The following TMEM132E variants were observed in gnomAD, a reference collection of about 807,000 sequenced individuals.
The protein encoded by TMEM132E is transmembrane protein 132E.
Under a neutral mutation model 78.5 loss-of-function variants are expected in TMEM132E, and 49 were observed. The observed-to-expected ratio is 0.62, with a 90% CI of 0.50 to 0.79. The LOEUF is 0.79. Among genes scored for constraint, TMEM132E ranks in the 30% least tolerant of loss-of-function variants. TMEM132E has a pLI of 0.00. For synonymous variants in TMEM132E, 715 were observed against 670.6 expected (o/e 1.07, Z -1.02); for missense variants, 1,403 against 1,470.9 (o/e 0.95, Z 0.75).
chr17:34,629,888 C>CA (rs1597691522), intron 4 of TMEM132E, 120 bp from the exon 5 acceptor site: 1 of 1,176,908 alleles, frequency 8.5e-7, no homozygotes, highest in East Asian at 2.7e-5. Flanking sequence ...CAAGTGTCCC[C>CA]ACTGGAAGGA....
At chr17:34,635,959 G>A (rs1170676748) in intron 7 of TMEM132E, 48 bp from the exon 8 acceptor site, 4 of 1,339,632 alleles carry the variant, frequency 3.0e-6, no homozygotes, top group East Asian at 6.1e-5. Flanking sequence ...TTGGGCAGGG[G>A]GGTGTGCTTT....
In TMEM132E at chr17:34,626,257, C is replaced by G; in HGVS notation, c.198C>G (p.Pro66=). The G allele has an allele frequency of 3.1e-6, 5 of 1,602,364 alleles. No homozygotes were observed. Among genetic ancestry groups the G allele is most frequent in the Non-Finnish European group, 4.3e-6 (5 of 1,175,152 alleles). ...TGCGGGAGGCGCGGCCCCCGTCACCCGCGGTCGCCAACAGCTCTCTGCAGC... is the reference window on the plus strand; with the variant it reads ...TGCGGGAGGCGCGGCCCCCGTCACCGGCGGTCGCCAACAGCTCTCTGCAGC... ...FFLREARPPS[P]AVANSSLQRS... The change falls in exon 2 of 9, where the codon CCC becomes CCG. Residue 66 remains proline (P), a synonymous_variant. Coordinates refer to ENST00000631683, the MANE Select transcript of TMEM132E (RefSeq NM_001304438.2).
intron 1 of TMEM132E, among the ~76,000 whole-genome samples, chr17:34,613,300 G>A (rs1906672090): frequency 6.6e-6 from 1 of 151,504 alleles, no homozygotes; most frequent in South Asian, 2.1e-4. Flanking sequence ...CCAGTGGGAA[G>A]GCTCAGCTTG....
rs771954244 is a variant in TMEM132E, at chr17:34,634,892, C to A, written c.1782C>A (p.Thr594=). 23 of 1,613,986 alleles carry A rather than the reference C, an allele frequency of 1.4e-5. No individual in the cohort carries two copies. The South Asian group carries it at 2.2e-4, about 15-fold the overall frequency. The change falls in exon 7 of 9, where the codon ACC becomes ACA. Residue 594 remains threonine (T), a synonymous_variant. Coordinates refer to ENST00000631683, the MANE Select transcript of TMEM132E (RefSeq NM_001304438.2). ...GCACCCTGCAGTACCAGCATGCCACCCTGCAGGTCTTCACCCAGTTCCACA... is the reference window on the plus strand; with the variant it reads ...GCACCCTGCAGTACCAGCATGCCACACTGCAGGTCTTCACCCAGTTCCACA... ...RGCTLQYQHA[T]LQVFTQFHTT...
chr17:34,611,156 A>C (rs1469873352), intron 1 of TMEM132E, among the ~76,000 whole-genome samples: 1 of 152,252 alleles, frequency 6.6e-6, no homozygotes, highest in Non-Finnish European at 1.5e-5. Context: ...CAGCAGACAG[A>C]GGGAACAGCA....
At chr17:34,583,277 A>G (rs1233124181) in intron 1 of TMEM132E, among the ~76,000 whole-genome samples, 1 of 152,094 alleles carries the variant, frequency 6.6e-6, no homozygotes, top group Admixed American at 6.5e-5. Flanking sequence ...CTGAGCGGAC[A>G]TTTCCCCTCC....
chr17:34,621,013 TC>T, intron 1 of TMEM132E, among the ~76,000 whole-genome samples: 1 of 151,990 alleles, frequency 6.6e-6, no homozygotes, highest in African/African-American at 2.4e-5. Flanking sequence ...CTGGCAGGGG[TC>T]GGGGAGGCTG....
intron 1 of TMEM132E, among the ~76,000 whole-genome samples, chr17:34,611,009 T>C (rs1442433701): frequency 6.6e-6 from 1 of 152,236 alleles, no homozygotes; most frequent in Non-Finnish European, 1.5e-5. Context: ...TTGGGTCCAG[T>C]CGGTCTTAGC....
At chr17:34,583,535 G>A (rs1033159014) in intron 1 of TMEM132E, among the ~76,000 whole-genome samples, 7 of 152,234 alleles carry the variant, frequency 4.6e-5, no homozygotes, top group African/African-American at 1.7e-4. Context: ...GTTAAGAATA[G>A]GGTCCGGGGA....
intron 1 of TMEM132E, among the ~76,000 whole-genome samples, chr17:34,609,635 T>C (rs1906524963): frequency 6.6e-6 from 1 of 152,170 alleles, no homozygotes; most frequent in Non-Finnish European, 1.5e-5. Context: ...AAGCACCACC[T>C]TGTGGTCTCA....
Position 34,636,054 on chromosome 17 carries a change from G to A in TMEM132E, c.2025G>A (p.Thr675=), listed in dbSNP as rs140154597. Residue 675 remains threonine, a synonymous_variant, in exon 8 of 9, where the codon ACG becomes ACA. Transcript: ENST00000631683. ...TEAVLGETLL[T]VTEEKVSITQ... is the part of the protein sequence containing the mutation. ...CTGTGCTCGGGGAGACGCTGCTGACGGTGACTGAGGAGAAGGTCAGCATCA... is the reference window on the plus strand; with the variant it reads ...CTGTGCTCGGGGAGACGCTGCTGACAGTGACTGAGGAGAAGGTCAGCATCA... The A allele has an allele frequency of 1.2e-3, 1,837 of 1,573,248 alleles. 23 individuals are homozygous for A. The African/African-American group carries it at 0.022, about 19-fold the overall frequency.
intron 1 of TMEM132E, among the ~76,000 whole-genome samples, chr17:34,613,207 A>ACGCGCGCGCG (rs1245968091): frequency 8.2e-4 from 68 of 82,914 alleles, no homozygotes; most frequent in East Asian, 1.5e-3. Context: ...CCACACACAC[A>ACGCGCGCGCG]CACACGCGCG....
intron 1 of TMEM132E, among the ~76,000 whole-genome samples, chr17:34,596,918 C>G (rs1050596188): frequency 6.6e-6 from 1 of 151,768 alleles, no homozygotes. Flanking sequence ...CCTGCCTGAC[C>G]GGAATCTCGA....
chr17:34,635,199 C>A, intron 7 of TMEM132E, 112 bp downstream of exon 7: 1 of 1,212,948 alleles, frequency 8.2e-7, no homozygotes, highest in Non-Finnish European at 1.1e-6. Flanking sequence ...ACACTCTTCC[C>A]TGCCTGCCCC....
chr17:34,583,283 C>T (rs1020759987), intron 1 of TMEM132E, among the ~76,000 whole-genome samples: 1 of 152,246 alleles, frequency 6.6e-6, no homozygotes, highest in Non-Finnish European at 1.5e-5. Flanking sequence ...GGACATTTCC[C>T]CTCCTGACTA....
intron 1 of TMEM132E, among the ~76,000 whole-genome samples, chr17:34,589,902 A>G (rs1905807633): frequency 6.6e-6 from 1 of 152,232 alleles, no homozygotes; most frequent in Admixed American, 6.5e-5. Context: ...TGGATTGGAA[A>G]TAGGAAAAAT....
At chr17:34,601,862 C>G (rs1906252009) in intron 1 of TMEM132E, among the ~76,000 whole-genome samples, 1 of 152,218 alleles carries the variant, frequency 6.6e-6, no homozygotes, top group African/African-American at 2.4e-5. Context: ...GCCTCCACAG[C>G]TGTCATCCCT....
chr17:34,623,477 C>CAG (rs1274905017), intron 1 of TMEM132E, among the ~76,000 whole-genome samples: 1 of 152,054 alleles, frequency 6.6e-6, no homozygotes, highest in East Asian at 1.9e-4. Flanking sequence ...GCCCTTCTCC[C>CAG]AGCCCAGAGG....
At chr17:34,586,713 AC>A (rs1460881207) in intron 1 of TMEM132E, among the ~76,000 whole-genome samples, 1 of 152,146 alleles carries the variant, frequency 6.6e-6, no homozygotes, top group East Asian at 1.9e-4. Context: ...CTAGCAGACA[AC>A]CCAGCAAGAT....
Sources: gnomAD v4.1 joint callset for allele counts (sites outside exome capture counted in the v4.1 genomes callset) on GRCh38, gnomAD v4.1.1 for gene constraint, MANE v1.5 for transcripts, NCBI Gene and HGNC (gene_info 2026-07-23, HGNC 2026-07-21) for gene names.